The following ETFA variants were observed in gnomAD, a reference collection of about 807,000 sequenced individuals.
The protein encoded by ETFA is electron transfer flavoprotein subunit alpha, mitochondrial.
In ETFA, 22 loss-of-function variants were observed where a neutral mutation model predicts 46.2. That is an observed-to-expected ratio of 0.48 (90% confidence interval 0.34 to 0.68). ETFA has a LOEUF of 0.68. ETFA is among the 30% of genes least tolerant of loss of function. The probability of loss-of-function intolerance (pLI) is 0.01; values close to 1 mark genes in which losing one functional copy is unlikely to be tolerated. For synonymous variants in ETFA, 131 were observed against 139.9 expected, an observed-to-expected ratio of 0.94 and a Z score of 0.45; for missense variants, 345 against 401.1, an observed-to-expected ratio of 0.86 and a Z score of 1.19.
At chr15:76,276,881 T>G (rs2039598183) in intron 8 of ETFA, among the ~76,000 whole-genome samples, 1 of 152,242 alleles carries the variant, frequency 6.6e-6, no homozygotes, top group East Asian at 1.9e-4. Flanking sequence ...CTTAGTATAC[T>G]AATCACAGTT....
intron 11 of ETFA, among the ~76,000 whole-genome samples, chr15:76,217,848 T>A (rs1037243040): frequency 1.3e-5 from 2 of 152,248 alleles, no homozygotes; most frequent in Non-Finnish European, 2.9e-5. Flanking sequence ...TACATTTCCA[T>A]TAGGTGGAAA....
intron 9 of ETFA, among the ~76,000 whole-genome samples, chr15:76,234,773 G>A (rs1184627461): frequency 1.3e-5 from 2 of 152,234 alleles, no homozygotes; most frequent in East Asian, 3.8e-4. Context: ...AGGATGGGAA[G>A]AGGACCAGAG....
chr15:76,224,944 A>G (rs187037164), intron 11 of ETFA, among the ~76,000 whole-genome samples: 1 of 152,242 alleles, frequency 6.6e-6, no homozygotes, highest in East Asian at 1.9e-4. Context: ...TTCTCATGGG[A>G]AGGTCAAATA....
At chr15:76,296,344 A>C (rs1156689324) in intron 1 of ETFA, among the ~76,000 whole-genome samples, 1 of 152,196 alleles carries the variant, frequency 6.6e-6, no homozygotes, top group Non-Finnish European at 1.5e-5. Flanking sequence ...CCACTAATCT[A>C]CATCTGATAA....
intron 8 of ETFA, among the ~76,000 whole-genome samples, chr15:76,280,810 G>GC (rs2039640745): frequency 6.6e-6 from 1 of 151,510 alleles, no homozygotes. Flanking sequence ...GTGTTCCTGC[G>GC]TTAGACAGGC....
chr15:76,246,040 A>G (rs1382257850), intron 9 of ETFA, among the ~76,000 whole-genome samples: 1 of 152,242 alleles, frequency 6.6e-6, no homozygotes, highest in Non-Finnish European at 1.5e-5. Context: ...AAACAAAATA[A>G]AACAAAATCT....
At chr15:76,222,299 TAAGA>T (rs1361487507) in intron 11 of ETFA, among the ~76,000 whole-genome samples, 6 of 148,424 alleles carry the variant, frequency 4.0e-5, no homozygotes, top group East Asian at 2.0e-4. Context: ...TATATAACAT[TAAGA>T]AATATAATTA....
Position 76,216,418 on chromosome 15 carries a change from C to G in ETFA, c.*141G>C. The G allele has an allele frequency of 1.6e-6, 1 of 623,304 alleles. No homozygotes were observed. Among genetic ancestry groups the G allele is most frequent in the Non-Finnish European group, 2.9e-6 (1 of 348,200 alleles). The allele number at this position is 623,304 out of a possible 1,614,324, so 38.6% of individuals were successfully genotyped here. The stretch of plus-strand genomic sequence containing the variant: ...CACAGCAATCCCATAAACAAGCATT[C>G]TGGCATCTGTTAGAAATTTTCCCTC... On this transcript the variant is annotated 3_prime_UTR_variant, in exon 12 of 12. Transcript: ENST00000557943.
At chr15:76,228,595 A>G (rs537672601) in intron 10 of ETFA, among the ~76,000 whole-genome samples, 1 of 152,284 alleles carries the variant, frequency 6.6e-6, no homozygotes, top group Admixed American at 6.5e-5. Context: ...TCTTCAGATT[A>G]TTAAAATAAT....
chr15:76,311,432 G>A lies in ETFA; in HGVS notation c.-44C>T, dbSNP rs558025844. ...AACCTCGGCCTTACAGCAGCCCCGT[G>A]CCCGGCCAACTGGCGCCGCCTCAGC... is the stretch of plus-strand genomic sequence containing the variant. On this transcript the variant is annotated 5_prime_UTR_variant, in exon 1 of 12. Coordinates refer to ENST00000557943, the MANE Select transcript of ETFA (RefSeq NM_000126.4). 3.2e-6 allele frequency: 5 copies of A among 1,546,130 alleles called. No individual in the cohort carries two copies. Among genetic ancestry groups the A allele is most frequent in the Non-Finnish European group, 4.4e-6 (5 of 1,147,198 alleles).
chr15:76,297,307 C>T (rs1404789449), intron 1 of ETFA, among the ~76,000 whole-genome samples: 1 of 151,660 alleles, frequency 6.6e-6, no homozygotes, highest in Non-Finnish European at 1.5e-5. Flanking sequence ...TATATGGTAC[C>T]CTTTCTTTTT....
chr15:76,274,283 T>C (rs1596212673), intron 9 of ETFA, 129 bp downstream of exon 9: 1 of 754,950 alleles, frequency 1.3e-6, no homozygotes, highest in East Asian at 2.7e-5. Context: ...AAATGACATA[T>C]TCACCATGGT....
chr15:76,216,319 T>C lies in ETFA; in HGVS notation c.*240A>G, dbSNP rs2038895231. The C allele has an allele frequency of 1.3e-5, 6 of 462,384 alleles. 1 individual carries two copies. The East Asian group carries it at 1.5e-4, about 11-fold the overall frequency. The allele number at this position is 462,384 out of a possible 1,614,324, so 28.6% of individuals were successfully genotyped here. ...TAGTTTTAAAGCTGTGGAAAAGCTT[T>C]ATTATAGATTTTAGTACAGAATTTA... On this transcript the variant is annotated 3_prime_UTR_variant, in exon 12 of 12. Coordinates refer to ENST00000557943, the MANE Select transcript of ETFA (RefSeq NM_000126.4).
chr15:76,291,115 CTAGGA>C (rs1276274488), intron 4 of ETFA, among the ~76,000 whole-genome samples: 21 of 152,002 alleles, frequency 1.4e-4, no homozygotes, highest in Non-Finnish European at 2.9e-4. Context: ...ACTCAGAAGG[CTAGGA>C]TAGGAGGATC....
intron 1 of ETFA, among the ~76,000 whole-genome samples, chr15:76,298,429 G>A (rs1015471426): frequency 4.6e-5 from 7 of 152,144 alleles, no homozygotes; most frequent in African/African-American, 1.7e-4. Context: ...TAGGGACTAG[G>A]CATGTACAGC....
At chr15:76,241,801 CAAAAAAA>C (rs1165964434) in intron 9 of ETFA, among the ~76,000 whole-genome samples, 1 of 30,572 alleles carries the variant, frequency 3.3e-5, no homozygotes, top group Non-Finnish European at 5.1e-5. Context: ...GACTCCATCT[CAAAAAAA>C]AAAAAAAAAA....
chr15:76,242,209 G>A (rs940096758), intron 9 of ETFA, among the ~76,000 whole-genome samples: 20 of 152,092 alleles, frequency 1.3e-4, no homozygotes, highest in South Asian at 2.1e-4. Context: ...ACATTTCTAC[G>A]TAGAATTTTG....
intron 4 of ETFA, among the ~76,000 whole-genome samples, chr15:76,290,046 C>T (rs2039744029): frequency 6.6e-6 from 1 of 152,188 alleles, no homozygotes; most frequent in South Asian, 2.1e-4. Flanking sequence ...TTTCACCCAT[C>T]AGACTGGAGG....
intron 7 of ETFA, chr15:76,284,882 A>G (rs1256239065): frequency 2.7e-6 from 1 of 374,392 alleles, no homozygotes. Flanking sequence ...GTGAGCAGAG[A>G]TTGTGCCATT....
Sources: gnomAD v4.1 joint callset for allele counts (sites outside exome capture counted in the v4.1 genomes callset) on GRCh38, gnomAD v4.1.1 for gene constraint, MANE v1.5 for transcripts, NCBI Gene and HGNC (gene_info 2026-07-23, HGNC 2026-07-21) for gene names.